Variants in DNM1 observed in about 807,000 individuals in gnomAD.
DNM1 encodes the protein dynamin-1.
In DNM1, 29 loss-of-function variants were observed where a neutral mutation model predicts 104.6. That is an observed-to-expected ratio of 0.28 (90% confidence interval 0.21 to 0.38). The LOEUF (loss-of-function observed/expected upper bound fraction) is 0.38. Ranked by LOEUF, DNM1 falls within the 10% of genes least tolerant of loss-of-function variation. DNM1 has a pLI of 1.00. For missense variants in DNM1, 640 were observed against 1,189.4 expected, an observed-to-expected ratio of 0.54 and a Z score of 6.79; for synonymous variants, 445 against 475.8, an observed-to-expected ratio of 0.94 and a Z score of 0.84.
chr9:128,250,049 C>G (rs1829419197), intron 19 of DNM1, 66 bp from the exon 20 acceptor site: 2 of 1,611,384 alleles, frequency 1.2e-6, no homozygotes, highest in African/African-American at 1.3e-5. Flanking sequence ...CAGCAGGGCC[C>G]GGTGGGGCGG....
intron 11 of DNM1, among the ~76,000 whole-genome samples, chr9:128,238,222 G>A (rs1836134243): frequency 6.6e-6 from 1 of 151,876 alleles, no homozygotes; most frequent in Non-Finnish European, 1.5e-5. Flanking sequence ...TTGTTTGTTT[G>A]TTTGTTTGTT....
intron 1 of DNM1, among the ~76,000 whole-genome samples, chr9:128,208,834 C>T (rs1588318085): frequency 6.6e-6 from 1 of 152,100 alleles, no homozygotes; most frequent in Non-Finnish European, 1.5e-5. Flanking sequence ...CAGAAGGCCT[C>T]CTGAGGAGGT....
chr9:128,224,969 C>A lies in DNM1; in HGVS notation c.1335+580C>A, dbSNP rs1278587840. 6.6e-6 allele frequency among the ~76,000 whole-genome samples: 1 copy of A among 152,178 alleles called. No individual in the cohort carries two copies. Among genetic ancestry groups the A allele is most frequent in the Non-Finnish European group, 1.5e-5 (1 of 68,036 alleles). ...TCAGGGCCTCTCCCTCCCTTCCATC[C>A]ACATCTGGCTTTCCAGGGATAGAGC... On this transcript the variant is annotated intron_variant, in intron 10 of 21. Coordinates refer to ENST00000372923, the MANE Select transcript of DNM1 (RefSeq NM_004408.4). The surrounding 1 kb of genome is among the most constrained non-coding windows in gnomAD (Gnocchi z 4.3).
intron 15 of DNM1, 63 bp from the exon 16 acceptor site, chr9:128,246,331 G>A: frequency 1.8e-6 from 2 of 1,139,834 alleles, no homozygotes; most frequent in South Asian, 2.5e-5. Flanking sequence ...GGGACTCTTA[G>A]AGAGTGAGGT....
chr9:128,214,201 C>T (rs1834472563), intron 1 of DNM1, among the ~76,000 whole-genome samples: 1 of 152,172 alleles, frequency 6.6e-6, no homozygotes, highest in South Asian at 2.1e-4. Context: ...TGTGGGAGTC[C>T]AGCCTGTGGT....
rs1268368586 is a variant in DNM1, at chr9:128,254,310, G to C, written c.2535-344G>C. ...CCCAGGCCAGTGGGTTGGAAGACAG[G>C]GTGACCAGAGAAGAGGGAAGCCCGA... is the stretch of plus-strand genomic sequence containing the variant. On this transcript the variant is annotated intron_variant, in intron 21 of 21. Transcript: ENST00000372923. This position sits in a 1 kb window ranked among gnomAD's most constrained non-coding sequence, Gnocchi z 6.1. 1.2e-5 allele frequency: 17 copies of C among 1,391,088 alleles called. No homozygotes were observed. The highest frequency in any genetic ancestry group is 1.6e-5 in the Non-Finnish European group (17 of 1,082,908). The allele number at this position is 1,391,088 out of a possible 1,614,324, so 86.2% of individuals were successfully genotyped here.
In DNM1 at chr9:128,222,476, C is replaced by T. The variant is rs3003609; in HGVS notation, c.1008C>T (p.Phe336=). 0.53 allele frequency: 858,414 copies of T among 1,613,764 alleles called. 236,688 individuals carry two copies. The highest frequency in any genetic ancestry group is 0.67 in the Admixed American group (40,115 of 59,976). ...CTCCCACCAGGATGGTCCAGCAGTTCGCCGTAGACTTTGAGAAGCGCATTG... is the reference window on the plus strand; with the variant it reads ...CTCCCACCAGGATGGTCCAGCAGTTTGCCGTAGACTTTGAGAAGCGCATTG... ...TKALLQMVQQ[F]AVDFEKRIEG... Residue 336 remains phenylalanine, a synonymous_variant, in exon 8 of 22, where the codon TTC becomes TTT. Coordinates refer to ENST00000372923, the MANE Select transcript of DNM1 (RefSeq NM_004408.4). This position sits in a 1 kb window ranked among gnomAD's most constrained non-coding sequence, Gnocchi z 7.8.
chr9:128,210,348 C>CATT (rs61012054), intron 1 of DNM1, among the ~76,000 whole-genome samples: 7,032 of 141,556 alleles, frequency 0.05, 411 homozygotes, highest in East Asian at 0.33. Flanking sequence ...ATTTATTTGG[C>CATT]ATTATTATTA....
rs1303677242 is a variant in DNM1 at position 128,220,070 on chromosome 9, G to T, written c.672G>T (p.Leu224=). Residue 224 remains leucine, a synonymous_variant, in exon 5 of 22, where the codon CTG becomes CTT. Coordinates refer to ENST00000372923, the MANE Select transcript of DNM1 (RefSeq NM_004408.4). This position sits in a 1 kb window ranked among gnomAD's most constrained non-coding sequence, Gnocchi z 5.2. ...CCCGTGATGTGCTGGAGAACAAGCT[G>T]CTCCCCCTGCGCAGAGGTAAGCAGG... The part of the protein sequence containing the change: ...TDARDVLENK[L]LPLRRGYIGV... The T allele has an allele frequency of 2.5e-6, 4 of 1,612,888 alleles. No individual in the cohort carries two copies. In the East Asian group the frequency reaches 6.7e-5, roughly 27 times the overall value.
chr9:128,241,831 A>C (rs1836383895), intron 14 of DNM1, among the ~76,000 whole-genome samples: 1 of 152,242 alleles, frequency 6.6e-6, no homozygotes, highest in Non-Finnish European at 1.5e-5. Context: ...TTCTAGGCAG[A>C]GGCGGCAGCA....
Position 128,227,009 on chromosome 9 carries a change from CTTTTTTTTTTT to C in DNM1, c.1335+2633_1335+2643del, listed in dbSNP as rs369464140. Among the ~76,000 whole-genome samples the C allele has an allele frequency of 4.9e-5, 5 of 101,776 alleles. No homozygotes were observed. The East Asian group carries it at 1.0e-3, about 20-fold the overall frequency. 66.8% of individuals were successfully genotyped at this position (101,776 alleles called of 152,430 possible). On this transcript the variant is annotated intron_variant, in intron 10 of 21. Coordinates refer to ENST00000372923, the MANE Select transcript of DNM1 (RefSeq NM_004408.4). Reference sequence around the variant, plus strand: ...AAATAAGCATCAATCATCTCCATTCCTTTTTTTTTTTTTTTTTTTTTTTGAGATGGAATCTT... The same window carrying C: ...AAATAAGCATCAATCATCTCCATTCCTTTTTTTTTTTTGAGATGGAATCTT...
intron 11 of DNM1, among the ~76,000 whole-genome samples, chr9:128,236,784 G>A (rs911597901): frequency 3.3e-5 from 5 of 152,166 alleles, no homozygotes; most frequent in African/African-American, 7.2e-5. Flanking sequence ...CCCAGGAAGT[G>A]GAGGCTGCAG....
chr9:128,245,635 C>T lies in DNM1; in HGVS notation c.1672-759C>T, dbSNP rs576247938. ...ATCAAACACACAGCCCATTGTACCA[C>T]GGTGTGCAGGTAAGATGTGTACCCC... On this transcript the variant is annotated intron_variant, in intron 15 of 21. Coordinates refer to ENST00000372923, the MANE Select transcript of DNM1 (RefSeq NM_004408.4). This position sits in a 1 kb window ranked among gnomAD's most constrained non-coding sequence, Gnocchi z 5.2. Among the ~76,000 whole-genome samples the T allele has an allele frequency of 3.3e-5, 5 of 152,280 alleles. No individual in the cohort carries two copies. The highest frequency in any genetic ancestry group is 2.1e-4 in the South Asian group (1 of 4,816).
chr9:128,222,668 G>GA lies in DNM1; in HGVS notation c.1128+72_1128+73insA. ...CCCTCACTCAGGACTCTCTCTGCGT[G>GA]TGTTTTTGCTGGCCCCCACCCCACA... On this transcript the variant is annotated intron_variant, in intron 8 of 21. Coordinates refer to ENST00000372923, the MANE Select transcript of DNM1 (RefSeq NM_004408.4). This position sits in a 1 kb window ranked among gnomAD's most constrained non-coding sequence, Gnocchi z 7.8. 6.2e-7 allele frequency: 1 copy of GA among 1,605,960 alleles called. No homozygotes were observed. The highest frequency in any genetic ancestry group is 8.5e-7 in the Non-Finnish European group (1 of 1,174,656).
chr9:128,242,098 C>G, intron 14 of DNM1, 134 bp from the exon 15 acceptor site: 1 of 675,352 alleles, frequency 1.5e-6, no homozygotes, highest in Non-Finnish European at 2.7e-6. Flanking sequence ...AGGTCTGGCC[C>G]CCACCCTCCC....
intron 1 of DNM1, among the ~76,000 whole-genome samples, chr9:128,207,932 G>T (rs1049585755): frequency 2.0e-5 from 3 of 152,036 alleles, no homozygotes; most frequent in African/African-American, 7.2e-5. Context: ...GCGACCCTCT[G>T]CCCAGAGCCG....
At chr9:128,225,052 A>G (rs1427712015) in intron 10 of DNM1, among the ~76,000 whole-genome samples, 1 of 152,160 alleles carries the variant, frequency 6.6e-6, no homozygotes, top group Non-Finnish European at 1.5e-5. Flanking sequence ...GAGGCAGGAC[A>G]GGGAGGACGG....
chr9:128,249,207 A>G (rs1031886103), intron 19 of DNM1, among the ~76,000 whole-genome samples: 1 of 137,676 alleles, frequency 7.3e-6, no homozygotes, highest in Non-Finnish European at 1.6e-5. Flanking sequence ...AAAAAAAAAA[A>G]GAAGAAGAAA....
intron 16 of DNM1, 77 bp downstream of exon 16, chr9:128,246,580 C>A: frequency 8.9e-7 from 1 of 1,125,138 alleles, no homozygotes; most frequent in South Asian, 1.3e-5. Flanking sequence ...TACAGGGATC[C>A]AGGGAGGAGA....
Sources: gnomAD v4.1 joint callset for allele counts (sites outside exome capture counted in the v4.1 genomes callset) on GRCh38, gnomAD v4.1.1 for gene constraint, Gnocchi (gnomAD v3.1) non-coding constraint, MANE v1.5 for transcripts, NCBI Gene and HGNC (gene_info 2026-07-23, HGNC 2026-07-21) for gene names.